The following TAS1R2 variants were observed in gnomAD, a reference collection of about 807,000 sequenced individuals.
The protein encoded by TAS1R2 is taste receptor type 1 member 2.
A neutral mutation model predicts 49.3 loss-of-function variants in TAS1R2; 47 were observed. The ratio of observed to expected loss-of-function variants is 0.95; its 90% CI spans 0.75 to 1.22. The LOEUF is 1.22. Among genes scored for constraint, TAS1R2 ranks in the 50% most tolerant of loss-of-function variants. The pLI is 0.00. For missense variants in TAS1R2, 1,155 were observed against 1,122.1 expected, an observed-to-expected ratio of 1.03 and a Z score of -0.42; for synonymous variants, 479 against 467.9, an observed-to-expected ratio of 1.02 and a Z score of -0.31.
chr1:18,852,515 G>C (rs1032018761), intron 3 of TAS1R2, among the ~76,000 whole-genome samples: 1 of 152,208 alleles, frequency 6.6e-6, no homozygotes, highest in Non-Finnish European at 1.5e-5. Flanking sequence ...GGTGGGCTGG[G>C]CTCCCTGCCT....
In TAS1R2 at chr1:18,854,521, G is replaced by C. The variant is rs34447754; in HGVS notation, c.949C>G (p.Arg317Gly). Residue 317 changes from arginine to glycine, a missense_variant, in exon 3 of 6, where the codon CGC becomes GGC. Physicochemically the swap from Arg to Gly is moderately radical, Grantham distance 125 (BLOSUM62 -2). Coordinates refer to ENST00000375371, the Ensembl canonical transcript of TAS1R2. The surrounding 1 kb of genome is among the most constrained non-coding windows in gnomAD (Gnocchi z 4.9). ...ATGCCCAGGAAGGTGCCCAAGTGGC[G>C]CAGCTCCGTGAGGTTGTGCAGGACC... 498,706 of 1,613,662 alleles carry C rather than the reference G, an allele frequency of 0.31. 78,878 individuals carry two copies. The highest frequency in any genetic ancestry group is 0.33 in the Non-Finnish European group (384,609 of 1,179,872).
Position 18,853,758 on chromosome 1 carries a change from G to A in TAS1R2, c.1257+455C>T, listed in dbSNP as rs764394506. On this transcript the variant is annotated intron_variant, in intron 3 of 5. Coordinates refer to ENST00000375371, the Ensembl canonical transcript of TAS1R2. ...AACCTTCTATATCCCAGAAAGCTTC[G>A]TGGTGGGAGGTCTCTGTGTGTGCCT... Among the ~76,000 whole-genome samples the A allele has an allele frequency of 5.3e-5, 8 of 152,300 alleles. No homozygotes were observed. The East Asian group carries it at 7.7e-4, about 15-fold the overall frequency.
intron 4 of TAS1R2, among the ~76,000 whole-genome samples, chr1:18,842,944 A>G (rs1332112240): frequency 6.6e-6 from 1 of 152,254 alleles, no homozygotes; most frequent in Non-Finnish European, 1.5e-5. Flanking sequence ...GTTATGTTAT[A>G]TGTCTTTTAT....
intron 1 of TAS1R2, chr1:18,858,265 A>T (rs573979530): frequency 2.0e-5 from 3 of 149,460 alleles, no homozygotes; most frequent in African/African-American, 5.0e-5. Context: ...ACCATCACCA[A>T]CGTCATCACT....
intron 1 of TAS1R2, among the ~76,000 whole-genome samples, chr1:18,858,116 C>T (rs566201754): frequency 4.6e-5 from 7 of 152,122 alleles, no homozygotes; most frequent in Non-Finnish European, 7.4e-5. Flanking sequence ...TCACCACCAC[C>T]ATTTCCACCA....
Position 18,849,542 on chromosome 1 carries a change from C to T in TAS1R2, c.1266G>A (p.Glu422=), listed in dbSNP as rs371486781. 2.5e-6 allele frequency: 4 copies of T among 1,614,034 alleles called. No individual in the cohort carries two copies. The African/African-American group carries it at 5.3e-5, about 22-fold the overall frequency. ...GAGTGAAGTTGACCTTCCAGATCTC[C>T]TCAAGCAGCTGGCGGGGTCAGAGGG... The change falls in exon 4 of 6, where the codon GAG becomes GAA. Residue 422 remains glutamate (E), a synonymous_variant. Coordinates refer to ENST00000375371, the Ensembl canonical transcript of TAS1R2.
At chr1:18,858,338 C>CGCA (rs1376771972) in intron 1 of TAS1R2, 2 of 152,786 alleles carry the variant, frequency 1.3e-5, no homozygotes, top group African/African-American at 4.8e-5. Context: ...CCATCACTAA[C>CGCA]ACCATCACCA....
chr1:18,841,344 T>TC (rs1301473257), intron 5 of TAS1R2, among the ~76,000 whole-genome samples: 1 of 152,226 alleles, frequency 6.6e-6, no homozygotes, highest in Non-Finnish European at 1.5e-5. Flanking sequence ...TGAGATGGTG[T>TC]CTTCCCTGTC....
In TAS1R2 at chr1:18,840,348, A is replaced by T. The variant is rs749503611; in HGVS notation, c.1771T>A (p.Phe591Ile). The T allele has an allele frequency of 1.2e-6, 2 of 1,614,146 alleles. No individual in the cohort carries two copies. Among genetic ancestry groups the T allele is most frequent in the East Asian group, 4.5e-5 (2 of 44,874 alleles). The change falls in exon 6 of 6, where the codon TTC becomes ATC. Residue 591 changes from phenylalanine (F) to isoleucine (I), a missense_variant. Coordinates refer to ENST00000375371, the Ensembl canonical transcript of TAS1R2. The stretch of plus-strand genomic sequence containing the variant: ...GCCGAGCGAACTATGGGTGTCTGGA[A>T]GTGCCTCCAGAATATCACCAGGATG...
At chr1:18,841,146 T>A (rs969263279) in intron 5 of TAS1R2, among the ~76,000 whole-genome samples, 2 of 152,218 alleles carry the variant, frequency 1.3e-5, no homozygotes, top group African/African-American at 4.8e-5. Flanking sequence ...AGAATTGAGC[T>A]CCAAACTCTG....
At chr1:18,846,055 G>T (rs918211909) in intron 4 of TAS1R2, among the ~76,000 whole-genome samples, 5 of 152,202 alleles carry the variant, frequency 3.3e-5, no homozygotes, top group Non-Finnish European at 5.9e-5. Flanking sequence ...AACAAGAAAT[G>T]GGCCTCTCTG....
At chr1:18,853,688 T>C (rs1467769175) in intron 3 of TAS1R2, among the ~76,000 whole-genome samples, 1 of 152,140 alleles carries the variant, frequency 6.6e-6, no homozygotes, top group Non-Finnish European at 1.5e-5. Context: ...GTATAAAGTG[T>C]GCGTCTCTAA....
Position 18,849,281 on chromosome 1 carries a change from T to C in TAS1R2, c.1467+60A>G. On this transcript the variant is annotated intron_variant, in intron 4 of 5. Coordinates refer to ENST00000375371, the Ensembl canonical transcript of TAS1R2. ...CCCTAATGAAAAGGGCCCTAGCCAC[T>C]CCAGCAAGGGCCCCAGGCCCCGCCC... 3 of 1,577,808 alleles carry C rather than the reference T, an allele frequency of 1.9e-6. No homozygotes were observed. In the South Asian group the frequency reaches 3.3e-5, roughly 18 times the overall value.
intron 3 of TAS1R2, among the ~76,000 whole-genome samples, chr1:18,850,630 G>C (rs534651572): frequency 1.3e-5 from 2 of 152,380 alleles, no homozygotes; most frequent in South Asian, 4.1e-4. Flanking sequence ...GCAATGACCT[G>C]CCCAAGCAGG....
chr1:18,857,597 G>A lies in TAS1R2; in HGVS notation c.217C>T (p.Gln73Ter). Residue 73 changes from glutamine (Q) to a stop codon, truncating the protein, a stop_gained, in exon 2 of 6, where the codon CAG becomes TAG. Transcript: ENST00000375371. LOFTEE classifies it high-confidence loss of function. Reference sequence around the variant, plus strand: ...TCCTCCACCGCAAAGCGCATGGCCTGCATGAGGTTGTAGCCTATCACCTTC... The same window carrying A: ...TCCTCCACCGCAAAGCGCATGGCCTACATGAGGTTGTAGCCTATCACCTTC... 1 of 1,613,996 alleles carries A rather than the reference G, an allele frequency of 6.2e-7. No homozygotes were observed. The highest frequency in any genetic ancestry group is 8.5e-7 in the Non-Finnish European group (1 of 1,180,006).
chr1:18,854,259 C>T lies in TAS1R2; in HGVS notation c.1211G>A (p.Gly404Asp), dbSNP rs147112472. The change falls in exon 3 of 6, where the codon GGC (glycine) becomes GAC (aspartate). Residue 404 changes from glycine to aspartate, a missense_variant. Coordinates refer to ENST00000375371, the Ensembl canonical transcript of TAS1R2. The surrounding 1 kb of genome is among the most constrained non-coding windows in gnomAD (Gnocchi z 4.9). ...CTTGGTGCAGGTGCTTTTGTCACAG[C>T]CGAGGAGGCTGTGCAGGGCATGGGC... 305 of 1,614,150 alleles carry T rather than the reference C, an allele frequency of 1.9e-4. No individual in the cohort carries two copies. In the African/African-American group the frequency reaches 3.7e-3, roughly 19 times the overall value.
At chr1:18,844,430 A>G (rs1933879848) in intron 4 of TAS1R2, among the ~76,000 whole-genome samples, 2 of 152,202 alleles carry the variant, frequency 1.3e-5, no homozygotes, top group Admixed American at 6.5e-5. Context: ...GAGAGCAAAC[A>G]CAGAGTAATA....
At chr1:18,840,313 G>A in exon 6 of TAS1R2, 3 of 1,614,056 alleles carry the variant, frequency 1.9e-6, no homozygotes, top group Non-Finnish European at 2.5e-6. Context: ...GGAAGCACAT[G>A]GGGCCCCCAG....
In TAS1R2 at chr1:18,854,668, T is replaced by C. The variant is rs376502611; in HGVS notation, c.802A>G (p.Thr268Ala). 6.8e-6 allele frequency: 11 copies of C among 1,613,848 alleles called. No individual in the cohort carries two copies. The African/African-American group carries it at 1.3e-4, about 20-fold the overall frequency. ...GAGAACACGACCACGACGCGCGCTGTGCTCTGCTGCAGCTTGTCCACAATG... is the reference window on the plus strand; with the variant it reads ...GAGAACACGACCACGACGCGCGCTGCGCTCTGCTGCAGCTTGTCCACAATG... The change falls in exon 3 of 6, where the codon ACA (threonine) becomes GCA (alanine). Residue 268 changes from threonine (T) to alanine (A), a missense_variant. By Grantham distance (58) the Thr-to-Ala change is moderately conservative (BLOSUM62 0). Transcript: ENST00000375371. The surrounding 1 kb of genome is among the most constrained non-coding windows in gnomAD (Gnocchi z 4.9).
Sources: gnomAD v4.1 joint callset for allele counts (sites outside exome capture counted in the v4.1 genomes callset) on GRCh38, gnomAD v4.1.1 for gene constraint, Gnocchi (gnomAD v3.1) non-coding constraint, MANE v1.5 for transcripts, NCBI Gene and HGNC (gene_info 2026-07-23, HGNC 2026-07-21) for gene names.